KCTD16: variants seen among roughly 807,000 people sequenced by gnomAD.
The protein encoded by KCTD16 is BTB/POZ domain-containing protein KCTD16.
A neutral mutation model predicts 33.2 loss-of-function variants in KCTD16; 13 were observed. That is an observed-to-expected ratio of 0.39 (90% CI 0.25 to 0.62). KCTD16 has a LOEUF of 0.62. Ranked by LOEUF, KCTD16 falls within the 20% of genes least tolerant of loss-of-function variation. KCTD16 has a pLI of 0.50. For missense variants in KCTD16, 441 were observed against 525.1 expected (o/e 0.84, Z 1.57); for synonymous variants, 197 against 195.3 (o/e 1.01, Z -0.07).
At chr5:144,430,485 G>T (rs1288525103) in intron 3 of KCTD16, among the ~76,000 whole-genome samples, 1 of 152,002 alleles carries the variant, frequency 6.6e-6, no homozygotes, top group East Asian at 1.9e-4. Context: ...CTTGCTATGT[G>T]GCCTCAGGCA....
chr5:144,432,235 A>T (rs1753479074), intron 3 of KCTD16, among the ~76,000 whole-genome samples: 1 of 152,130 alleles, frequency 6.6e-6, no homozygotes, highest in Admixed American at 6.6e-5. Flanking sequence ...TTTTCAAATT[A>T]ATCACTAGAA....
chr5:144,424,555 T>A lies in KCTD16; in HGVS notation c.833-49105T>A, dbSNP rs149923805. The stretch of plus-strand genomic sequence containing the variant: ...GCTATGGCCACTCTGTCTTCGATCA[T>A]TTTCTGCTGTTACACTAGAATATAA... On this transcript the variant is annotated intron_variant, in intron 3 of 3. Coordinates refer to ENST00000512467, the MANE Select transcript of KCTD16 (RefSeq NM_020768.4). Among the ~76,000 whole-genome samples the A allele has an allele frequency of 1.5e-3, 233 of 152,290 alleles. 1 individual carries two copies. The highest frequency in any genetic ancestry group is 5.3e-3 in the African/African-American group (221 of 41,568).
At chr5:144,365,538 A>G (rs963671610) in intron 3 of KCTD16, among the ~76,000 whole-genome samples, 2 of 152,188 alleles carry the variant, frequency 1.3e-5, no homozygotes, top group African/African-American at 4.8e-5. Flanking sequence ...ACCTAATTAC[A>G]TGCATCTTCA....
chr5:144,430,798 C>G (rs373882661), intron 3 of KCTD16, among the ~76,000 whole-genome samples: 5 of 152,022 alleles, frequency 3.3e-5, no homozygotes, highest in Non-Finnish European at 7.4e-5. Flanking sequence ...TCCCATCTCT[C>G]CAACCAAACA....
intron 2 of KCTD16, among the ~76,000 whole-genome samples, chr5:144,191,787 T>G (rs1895147): frequency 9.8e-4 from 149 of 151,918 alleles, no homozygotes; most frequent in African/African-American, 3.5e-3. Context: ...AGTGAGTGTT[T>G]GCGGCAGTGC....
At chr5:144,408,012 A>C (rs997678585) in intron 3 of KCTD16, among the ~76,000 whole-genome samples, 40 of 152,212 alleles carry the variant, frequency 2.6e-4, no homozygotes, top group Non-Finnish European at 1.8e-4. Context: ...ATACGTGTGC[A>C]TGTGTCTTTA....
chr5:144,207,215 T>G lies in KCTD16; in HGVS notation c.501T>G (p.Thr167=). The change falls in exon 3 of 4, where the codon ACT becomes ACG. Residue 167 remains threonine (T), a synonymous_variant. Transcript: ENST00000512467. ...CCGACCGCAAGTGGGGTTTCATTAC[T>G]GTGGGTTACAGAGGATCCTGCACCT... ...LPADRKWGFI[T]VGYRGSCTLG... 1 of 1,613,858 alleles carries G rather than the reference T, an allele frequency of 6.2e-7. No homozygotes were observed. The highest frequency in any genetic ancestry group is 2.2e-5 in the East Asian group (1 of 44,878).
chr5:144,199,687 A>G, intron 2 of KCTD16, among the ~76,000 whole-genome samples: 1 of 124,440 alleles, frequency 8.0e-6, no homozygotes, highest in South Asian at 2.6e-4. Context: ...AACTTTGACC[A>G]TTTGTTCCAG....
chr5:144,465,383 A>G (rs1396993882), intron 3 of KCTD16, among the ~76,000 whole-genome samples: 2 of 152,118 alleles, frequency 1.3e-5, no homozygotes, highest in Non-Finnish European at 2.9e-5. Context: ...GATGTGAAAC[A>G]CTATCCAGCG....
At position 144,237,783 on chromosome 5, in the gene KCTD16, C is replaced by A. The variant is rs529404733; in HGVS notation, c.832+30237C>A. ...CTCCACCTCCATGTAAGTTATAAGT[C>A]CCACAGCAGAACTTAGCACAAGGGA... On this transcript the variant is annotated intron_variant, in intron 3 of 3. Transcript: ENST00000512467. Among the ~76,000 whole-genome samples the A allele has an allele frequency of 3.9e-5, 6 of 152,236 alleles. No homozygotes were observed. The South Asian group carries it at 1.2e-3, about 32-fold the overall frequency.
At chr5:144,198,039 G>A (rs796495924) in intron 2 of KCTD16, among the ~76,000 whole-genome samples, 11 of 152,208 alleles carry the variant, frequency 7.2e-5, no homozygotes, top group African/African-American at 2.6e-4. Flanking sequence ...CCTCTTTGTA[G>A]TAGTGGGTTA....
chr5:144,264,632 G>T (rs928198669), intron 3 of KCTD16, among the ~76,000 whole-genome samples: 1 of 152,078 alleles, frequency 6.6e-6, no homozygotes, highest in Non-Finnish European at 1.5e-5. Flanking sequence ...AGTTAGCTGG[G>T]CATGGTGGTG....
At chr5:144,301,799 G>A (rs1358506603) in intron 3 of KCTD16, among the ~76,000 whole-genome samples, 1 of 152,088 alleles carries the variant, frequency 6.6e-6, no homozygotes, top group Admixed American at 6.5e-5. Flanking sequence ...TGTATTTTTG[G>A]TTCTTCAACA....
chr5:144,187,172 T>G (rs186878639), intron 2 of KCTD16, among the ~76,000 whole-genome samples: 8 of 150,002 alleles, frequency 5.3e-5, no homozygotes, highest in Non-Finnish European at 8.9e-5. Flanking sequence ...TTAGACTCAT[T>G]TTTTTTTCCA....
At chr5:144,318,275 A>G (rs1751978607) in intron 3 of KCTD16, among the ~76,000 whole-genome samples, 1 of 152,174 alleles carries the variant, frequency 6.6e-6, no homozygotes, top group South Asian at 2.1e-4. Flanking sequence ...GAATTTATGT[A>G]TATATTAGTA....
At chr5:144,449,623 T>C (rs901848063) in intron 3 of KCTD16, among the ~76,000 whole-genome samples, 8 of 152,096 alleles carry the variant, frequency 5.3e-5, no homozygotes, top group Non-Finnish European at 1.2e-4. Flanking sequence ...TAAAATAGTA[T>C]GATACTTGCA....
intron 3 of KCTD16, among the ~76,000 whole-genome samples, chr5:144,424,577 A>G (rs1185105425): frequency 6.6e-6 from 1 of 152,188 alleles, no homozygotes; most frequent in Non-Finnish European, 1.5e-5. Flanking sequence ...ACACTAGAAT[A>G]TAACAGACTG....
chr5:144,417,978 C>G (rs1227416302), intron 3 of KCTD16, among the ~76,000 whole-genome samples: 1 of 152,034 alleles, frequency 6.6e-6, no homozygotes, highest in African/African-American at 2.4e-5. Context: ...TTCTGATGTT[C>G]AGAAGTGTCC....
At chr5:144,187,427 C>A (rs1752749929) in intron 2 of KCTD16, among the ~76,000 whole-genome samples, 1 of 48,336 alleles carries the variant, frequency 2.1e-5, no homozygotes, top group Admixed American at 2.5e-4. Flanking sequence ...GCTGATTTCA[C>A]ACACACACAC....
Sources: gnomAD v4.1 joint callset for allele counts (sites outside exome capture counted in the v4.1 genomes callset) on GRCh38, gnomAD v4.1.1 for gene constraint, MANE v1.5 for transcripts, NCBI Gene and HGNC (gene_info 2026-07-23, HGNC 2026-07-21) for gene names.